RANBP2: variants seen among roughly 807,000 people sequenced by gnomAD.
RANBP2 encodes E3 SUMO-protein ligase RanBP2.
In RANBP2, 57 loss-of-function variants were observed where a neutral mutation model predicts 303.6. The ratio of observed to expected loss-of-function variants is 0.19; its 90% CI spans 0.15 to 0.23. The LOEUF is 0.23. RANBP2 is among the 10% of genes least tolerant of loss of function. The probability of loss-of-function intolerance (pLI) is 1.00; values close to 1 mark genes in which losing one functional copy is unlikely to be tolerated. For missense variants in RANBP2, 3,138 were observed against 3,780.8 expected, an observed-to-expected ratio of 0.83 and a Z score of 4.46; for synonymous variants, 1,167 against 1,301.5, an observed-to-expected ratio of 0.90 and a Z score of 2.23.
At chr2:109,347,876 C>T in the RANBP2 span, 1 of 1,613,112 alleles carries the variant, frequency 6.2e-7, no homozygotes, top group Non-Finnish European at 8.5e-7. Flanking sequence ...CACGCCCCGC[C>T]CCAGGGAAAA....
chr2:109,678,527 C>G, the RANBP2 span, among the ~76,000 whole-genome samples: 397 of 152,334 alleles, frequency 2.6e-3, no homozygotes, highest in African/African-American at 9.3e-3. Flanking sequence ...TTTTTCTAAC[C>G]AGCTTAGCCC....
rs1202429444 is a variant in RANBP2, at chr2:108,781,303, T to A, written c.8634T>A (p.Ala2878=). 6.2e-7 allele frequency: 1 copy of A among 1,614,060 alleles called. No homozygotes were observed. The highest frequency in any genetic ancestry group is 8.5e-7 in the Non-Finnish European group (1 of 1,180,042). Reference sequence around the variant, plus strand: ...TCCAATGGGCAAATACTGGAGCAGCTGTGTTTGGAACACAGTCAGTCGGAA... The same window carrying A: ...TCCAATGGGCAAATACTGGAGCAGCAGTGTTTGGAACACAGTCAGTCGGAA... ...KNFQWANTGA[A]VFGTQSVGTQ... The change falls in exon 26 of 29, where the codon GCT becomes GCA. Residue 2878 remains alanine (A), a synonymous_variant. Transcript: ENST00000283195.
chr2:109,450,049 A>T, the RANBP2 span, among the ~76,000 whole-genome samples: 2 of 152,184 alleles, frequency 1.3e-5, no homozygotes, highest in African/African-American at 4.8e-5. Flanking sequence ...TGCTGATTTC[A>T]TAAAAGAAAA....
the RANBP2 span, among the ~76,000 whole-genome samples, chr2:109,402,934 G>A: frequency 6.6e-6 from 1 of 152,194 alleles, no homozygotes; most frequent in Non-Finnish European, 1.5e-5. Context: ...TGGCTGGAGT[G>A]GAGATGGGCT....
chr2:109,173,861 G>A, the RANBP2 span, among the ~76,000 whole-genome samples: 2 of 152,372 alleles, frequency 1.3e-5, no homozygotes, highest in East Asian at 3.9e-4. Flanking sequence ...TTCAGACTCA[G>A]CTCTTTTGCT....
chr2:109,574,704 C>A, the RANBP2 span: 1 of 1,606,998 alleles, frequency 6.2e-7, no homozygotes, highest in Non-Finnish European at 8.5e-7. Context: ...AACGCTTAAT[C>A]TTCAGTTCTT....
the RANBP2 span, among the ~76,000 whole-genome samples, chr2:109,180,583 A>G: frequency 7.9e-5 from 12 of 152,168 alleles, no homozygotes; most frequent in Admixed American, 2.0e-4. Context: ...GGTTTCTCCC[A>G]TACTGTTCTT....
At chr2:109,707,593 C>T in the RANBP2 span, among the ~76,000 whole-genome samples, 1 of 152,180 alleles carries the variant, frequency 6.6e-6, no homozygotes, top group Non-Finnish European at 1.5e-5. Flanking sequence ...CCCGCCCTGC[C>T]CTCCCTATCC....
chr2:109,028,450 C>T, the RANBP2 span, among the ~76,000 whole-genome samples: 10 of 152,160 alleles, frequency 6.6e-5, no homozygotes, highest in African/African-American at 1.9e-4. Flanking sequence ...CTGGCTTCCC[C>T]GTTGCTGGGA....
At chr2:109,633,145 A>G in the RANBP2 span, among the ~76,000 whole-genome samples, 1 of 152,296 alleles carries the variant, frequency 6.6e-6, no homozygotes, top group East Asian at 1.9e-4. Flanking sequence ...TAATCCCAGA[A>G]CTTTGGGAGG....
At chr2:109,728,407 G>C in the RANBP2 span, among the ~76,000 whole-genome samples, 1 of 151,884 alleles carries the variant, frequency 6.6e-6, no homozygotes, top group Non-Finnish European at 1.5e-5. Flanking sequence ...AACTGACACG[G>C]ATACTACTAA....
the RANBP2 span, chr2:109,129,412 C>A: frequency 6.9e-7 from 1 of 1,444,578 alleles, no homozygotes; most frequent in Non-Finnish European, 9.2e-7. Context: ...AGCATCGGGC[C>A]ACCAGCCGGG....
At chr2:109,170,285 T>TC in the RANBP2 span, among the ~76,000 whole-genome samples, 2 of 127,008 alleles carry the variant, frequency 1.6e-5, no homozygotes, top group Admixed American at 8.6e-5. Flanking sequence ...TTCTCTTCTC[T>TC]TCTCTTCTCT....
chr2:109,212,219 C>G, the RANBP2 span, among the ~76,000 whole-genome samples: 1 of 152,152 alleles, frequency 6.6e-6, no homozygotes. Flanking sequence ...GATTTTCTTC[C>G]TCCTCTTCTT....
intron 15 of RANBP2, 95 bp downstream of exon 15, chr2:108,754,066 C>T: frequency 1.9e-6 from 3 of 1,608,536 alleles, no homozygotes; most frequent in African/African-American, 1.3e-5. Context: ...CAAAAATACT[C>T]AGTAATATGT....
chr2:109,677,458 A>G, the RANBP2 span, among the ~76,000 whole-genome samples: 1 of 152,266 alleles, frequency 6.6e-6, no homozygotes, highest in East Asian at 1.9e-4. Context: ...TACCCAACAG[A>G]GCCCCTTCTC....
the RANBP2 span, among the ~76,000 whole-genome samples, chr2:109,215,611 T>G: frequency 1.3e-5 from 2 of 152,126 alleles, no homozygotes; most frequent in Non-Finnish European, 2.9e-5. Context: ...GGTAGAGTTC[T>G]TCCTCGGTGA....
the RANBP2 span, chr2:109,593,198 A>G: frequency 1.7e-5 from 15 of 882,130 alleles, no homozygotes; most frequent in South Asian, 2.0e-4. Flanking sequence ...ATATATTTAC[A>G]TGAATAAGGT....
At chr2:108,853,976 AATATATAATATATAATAAATTTATATTAT>A in the RANBP2 span, among the ~76,000 whole-genome samples, 49 of 90,840 alleles carry the variant, frequency 5.4e-4, no homozygotes, top group Admixed American at 3.6e-4. Context: ...AAATATATAT[AATATATAATATATAATAAATTTATATTAT>A]ATATAATATA....
Sources: gnomAD v4.1 joint callset for allele counts (sites outside exome capture counted in the v4.1 genomes callset) on GRCh38, gnomAD v4.1.1 for gene constraint, MANE v1.5 for transcripts, NCBI Gene and HGNC (gene_info 2026-07-23, HGNC 2026-07-21) for gene names.